Variants in ZC3H12B observed in about 807,000 individuals in gnomAD.
ZC3H12B encodes probable ribonuclease ZC3H12B.
A neutral mutation model predicts 43.9 loss-of-function variants in ZC3H12B; 7 were observed. The ratio of observed to expected loss-of-function variants is 0.16; its 90% CI spans 0.09 to 0.30. ZC3H12B has a LOEUF of 0.30. ZC3H12B is among the 10% of genes least tolerant of loss of function. The pLI, the probability that ZC3H12B is intolerant of heterozygous loss-of-function variation, is 1.00. For missense variants in ZC3H12B, 475 were observed against 670.2 expected (o/e 0.71, Z 3.22); for synonymous variants, 222 against 241.7 (o/e 0.92, Z 0.76).
the ZC3H12B span, among the ~76,000 whole-genome samples, chrX:65,190,607 G>T: frequency 9.4e-6 from 1 of 105,883 alleles, no homozygotes; most frequent in Non-Finnish European, 1.9e-5. Flanking sequence ...TTTGTCTGTT[G>T]TTGGTGTATA....
chrX:65,160,526 T>A, the ZC3H12B span, among the ~76,000 whole-genome samples: 13,732 of 111,464 alleles, frequency 0.12, 2,062 homozygotes, highest in African/African-American at 0.42. Flanking sequence ...CCATTTCTTC[T>A]AGATTTTCTA....
At chrX:65,318,576 C>T in the ZC3H12B span, among the ~76,000 whole-genome samples, 2 of 110,288 alleles carry the variant, frequency 1.8e-5, no homozygotes, top group Non-Finnish European at 3.8e-5. Context: ...CATGCCACCA[C>T]ACCCGACTAA....
At chrX:65,071,840 C>T in the ZC3H12B span, among the ~76,000 whole-genome samples, 1 of 111,879 alleles carries the variant, frequency 8.9e-6, no homozygotes, top group Admixed American at 9.5e-5. Context: ...TGATGGGCTT[C>T]TATTTGTATG....
chrX:65,168,279 A>G, the ZC3H12B span, among the ~76,000 whole-genome samples: 1 of 111,992 alleles, frequency 8.9e-6, no homozygotes, highest in Non-Finnish European at 1.9e-5. Context: ...CCTTTTCTAC[A>G]GCTATTGATA....
the ZC3H12B span, among the ~76,000 whole-genome samples, chrX:65,171,500 T>C: frequency 1.8e-5 from 2 of 111,239 alleles, no homozygotes; most frequent in African/African-American, 3.3e-5. Flanking sequence ...GAGACCCACT[T>C]GAGGAGGCAG....
upstream of ZC3H12B, among the ~76,000 whole-genome samples, chrX:65,362,847 AC>A (rs950716483): frequency 1.8e-5 from 2 of 111,057 alleles, no homozygotes; most frequent in Non-Finnish European, 3.8e-5. Context: ...CAGGATCTGC[AC>A]CTTATCAACC....
chrX:65,276,189 A>G, the ZC3H12B span, among the ~76,000 whole-genome samples: 9 of 111,968 alleles, frequency 8.0e-5, 1 homozygote, highest in East Asian at 2.0e-3. Context: ...GAAAGCCTAC[A>G]GGATTTATAA....
At chrX:65,361,307 T>C in the ZC3H12B span, among the ~76,000 whole-genome samples, 1 of 112,090 alleles carries the variant, frequency 8.9e-6, no homozygotes, top group African/African-American at 3.2e-5. Flanking sequence ...TGACTGATTG[T>C]TGATTTTTTT....
chrX:65,139,985 T>C, the ZC3H12B span, among the ~76,000 whole-genome samples: 5 of 111,389 alleles, frequency 4.5e-5, no homozygotes, highest in Non-Finnish European at 9.4e-5. Flanking sequence ...AAAGTTTTTT[T>C]TTTGTTGGAA....
the ZC3H12B span, among the ~76,000 whole-genome samples, chrX:65,230,981 G>A: frequency 3.6e-5 from 4 of 112,069 alleles, no homozygotes; most frequent in Non-Finnish European, 7.5e-5. Flanking sequence ...TTAACAATTT[G>A]TTAAAAGGTA....
chrX:65,408,146 A>G, intron 3 of ZC3H12B: 2 of 1,200,570 alleles, frequency 1.7e-6, no homozygotes, highest in Non-Finnish European at 2.2e-6. Flanking sequence ...CAAGTTCAGT[A>G]TCGCGGAGTC....
chrX:65,353,540 A>G, the ZC3H12B span, among the ~76,000 whole-genome samples: 26 of 112,069 alleles, frequency 2.3e-4, no homozygotes, highest in African/African-American at 8.1e-4. Context: ...AATGCAAAGG[A>G]AAGATTTGAA....
At chrX:65,328,399 A>T in the ZC3H12B span, 1 of 244,796 alleles carries the variant, frequency 4.1e-6, no homozygotes. Context: ...TTCTTCTTGG[A>T]AGAAAGATAA....
the ZC3H12B span, among the ~76,000 whole-genome samples, chrX:65,067,466 C>T: frequency 9.0e-6 from 1 of 110,697 alleles, no homozygotes; most frequent in African/African-American, 3.3e-5. Flanking sequence ...CCTCTGTGGG[C>T]TGCACCCACT....
the ZC3H12B span, among the ~76,000 whole-genome samples, chrX:65,242,766 G>C: frequency 5.4e-5 from 6 of 112,115 alleles, no homozygotes; most frequent in Admixed American, 9.5e-5. Flanking sequence ...TCATGATGCT[G>C]TCATAAAAGC....
chrX:65,124,081 A>G, the ZC3H12B span, among the ~76,000 whole-genome samples: 1 of 111,182 alleles, frequency 9.0e-6, no homozygotes, highest in African/African-American at 3.3e-5. Context: ...CTGAGTGGCT[A>G]TGCTTTCAAA....
chrX:65,053,751 A>T, the ZC3H12B span, among the ~76,000 whole-genome samples: 5 of 111,608 alleles, frequency 4.5e-5, no homozygotes, highest in Admixed American at 3.8e-4. Context: ...CTGTTTCTCC[A>T]CATCCCCTCC....
chrX:65,212,804 A>G, the ZC3H12B span, among the ~76,000 whole-genome samples: 1 of 102,422 alleles, frequency 9.8e-6, no homozygotes, highest in South Asian at 4.0e-4. Flanking sequence ...GAGAACATCG[A>G]CTATATCTGG....
the ZC3H12B span, among the ~76,000 whole-genome samples, chrX:65,148,616 C>T: frequency 1.8e-5 from 2 of 111,230 alleles, no homozygotes; most frequent in Admixed American, 1.9e-4. Context: ...ACGGCGAAGT[C>T]TAGTGCTCCT....
Sources: allele counts gnomAD v4.1 joint callset (sites outside exome capture counted in the v4.1 genomes callset), GRCh38; gene constraint gnomAD v4.1.1; transcripts MANE v1.5; gene names NCBI Gene and HGNC (gene_info 2026-07-23, HGNC 2026-07-21).